Variants in LZTS1 observed in about 807,000 individuals in gnomAD.
The protein encoded by LZTS1 is leucine zipper putative tumor suppressor 1.
In LZTS1, 31 loss-of-function variants were observed where a neutral mutation model predicts 45.8. The ratio of observed to expected loss-of-function variants is 0.68; its 90% CI spans 0.51 to 0.91. The LOEUF (loss-of-function observed/expected upper bound fraction) is 0.91. Among genes scored for constraint, LZTS1 ranks in the 40% least tolerant of loss-of-function variants. The probability of loss-of-function intolerance (pLI) is 0.00; values close to 1 mark genes in which losing one functional copy is unlikely to be tolerated. For missense variants in LZTS1, 821 were observed against 788.9 expected (o/e 1.04, Z -0.49); for synonymous variants, 359 against 357.3 (o/e 1.00, Z -0.05).
chr8:20,254,127 A>C (rs1193119445), intron 2 of LZTS1, among the ~76,000 whole-genome samples: 1 of 152,222 alleles, frequency 6.6e-6, no homozygotes, highest in Non-Finnish European at 1.5e-5. Context: ...TGAATGCTCT[A>C]TGCAAACATA....
chr8:20,279,927 C>T (rs1252567124), intron 1 of LZTS1, among the ~76,000 whole-genome samples: 2 of 148,254 alleles, frequency 1.3e-5, no homozygotes, highest in African/African-American at 5.1e-5. Context: ...GTTGAGGCTG[C>T]AGTTAGCCAT....
chr8:20,255,334 C>G lies in LZTS1; in HGVS notation c.-134-19G>C. On this transcript the variant is annotated intron_variant, in intron 1 of 3. Coordinates refer to ENST00000381569, the MANE Select transcript of LZTS1 (RefSeq NM_021020.5). The stretch of plus-strand genomic sequence containing the variant: ...CGTAGACCTGGAAGAAGACACAAGA[C>G]AGAAGTCAGCGTGGGTGGGAGTGGT... 7.0e-7 allele frequency: 1 copy of G among 1,433,106 alleles called. No homozygotes were observed. The highest frequency in any genetic ancestry group is 9.1e-7 in the Non-Finnish European group (1 of 1,097,482). The allele number at this position is 1,433,106 out of a possible 1,614,324, so 88.8% of individuals were successfully genotyped here. A position where few individuals can be genotyped will look rare whatever the true frequency, so the allele number is the denominator to read the frequency against.
chr8:20,300,225 C>CA (rs2128900166), intron 1 of LZTS1, among the ~76,000 whole-genome samples: 1 of 152,350 alleles, frequency 6.6e-6, no homozygotes, highest in South Asian at 2.1e-4. Context: ...CTGTTGGGAA[C>CA]AGTGCTCCCT....
At chr8:20,273,754 G>T (rs1800520486) in intron 1 of LZTS1, among the ~76,000 whole-genome samples, 1 of 147,134 alleles carries the variant, frequency 6.8e-6, no homozygotes, top group Non-Finnish European at 1.5e-5. Flanking sequence ...GTTCCCTTGG[G>T]AAATTAATAG....
In LZTS1 at chr8:20,303,874, C is replaced by G; in HGVS notation, c.-269G>C. 5.1e-6 allele frequency: 5 copies of G among 985,132 alleles called. No homozygotes were observed. Among genetic ancestry groups the G allele is most frequent in the Non-Finnish European group, 6.0e-6 (5 of 829,822 alleles). The allele number at this position is 985,132 out of a possible 1,614,324, so 61.0% of individuals were successfully genotyped here. A position where few individuals can be genotyped will look rare whatever the true frequency, so the allele number is the denominator to read the frequency against. On this transcript the variant is annotated 5_prime_UTR_variant, in exon 1 of 4. Coordinates refer to ENST00000381569, the MANE Select transcript of LZTS1 (RefSeq NM_021020.5). ...ACTGCGCGGGATGCAGCTCCCGGCT[C>G]CCACTCACTGGCCGAGGCGGGCAGA... is the stretch of plus-strand genomic sequence containing the variant.
At chr8:20,280,343 C>T (rs564060043) in intron 1 of LZTS1, among the ~76,000 whole-genome samples, 4 of 152,296 alleles carry the variant, frequency 2.6e-5, no homozygotes, top group African/African-American at 9.6e-5. Flanking sequence ...CTCTCTCATT[C>T]TCTGGATGTG....
intron 2 of LZTS1, 58 bp from the exon 3 acceptor site, chr8:20,253,643 C>T: frequency 7.4e-7 from 1 of 1,347,160 alleles, no homozygotes; most frequent in East Asian, 2.5e-5. Flanking sequence ...ATTGCACCCT[C>T]CCTCCCCAGG....
At chr8:20,288,612 C>A (rs1350684701) in intron 1 of LZTS1, among the ~76,000 whole-genome samples, 1 of 152,200 alleles carries the variant, frequency 6.6e-6, no homozygotes, top group Non-Finnish European at 1.5e-5. Flanking sequence ...AGTGGCAGTA[C>A]CTGGCTTCAA....
intron 1 of LZTS1, among the ~76,000 whole-genome samples, chr8:20,268,164 A>ACCCCCT: frequency 2.2e-5 from 1 of 44,808 alleles, no homozygotes; most frequent in Non-Finnish European, 4.5e-5. Flanking sequence ...CCCCACCCCC[A>ACCCCCT]CCCCCACCCC....
intron 1 of LZTS1, among the ~76,000 whole-genome samples, chr8:20,256,857 G>T (rs1800115490): frequency 6.6e-6 from 1 of 152,166 alleles, no homozygotes; most frequent in Non-Finnish European, 1.5e-5. Context: ...GAGTGTGGAA[G>T]TGGCTATGAG....
chr8:20,281,231 G>A (rs2128897369), intron 1 of LZTS1, among the ~76,000 whole-genome samples: 1 of 152,158 alleles, frequency 6.6e-6, no homozygotes, highest in Non-Finnish European at 1.5e-5. Context: ...AGGCCTGGTG[G>A]GAGGTGTTTA....
chr8:20,264,544 G>A (rs1471341682), intron 1 of LZTS1, among the ~76,000 whole-genome samples: 1 of 152,150 alleles, frequency 6.6e-6, no homozygotes, highest in African/African-American at 2.4e-5. Flanking sequence ...GGGAGGGGAG[G>A]AGAAGTTGCT....
At chr8:20,287,258 T>C (rs1444301374) in intron 1 of LZTS1, among the ~76,000 whole-genome samples, 1 of 151,792 alleles carries the variant, frequency 6.6e-6, no homozygotes, top group African/African-American at 2.4e-5. Context: ...CACCATCTCC[T>C]GACTTTACAT....
chr8:20,264,701 G>C (rs1170712690), intron 1 of LZTS1, among the ~76,000 whole-genome samples: 1 of 152,200 alleles, frequency 6.6e-6, no homozygotes, highest in African/African-American at 2.4e-5. Flanking sequence ...TGGAACTCGA[G>C]GCACAACCAG....
At chr8:20,265,834 A>G (rs1349674257) in intron 1 of LZTS1, among the ~76,000 whole-genome samples, 2 of 152,058 alleles carry the variant, frequency 1.3e-5, no homozygotes, top group Non-Finnish European at 2.9e-5. Context: ...TCCCTTGGCC[A>G]CAGTTGCTCC....
At chr8:20,258,241 AG>A (rs1035242793) in intron 1 of LZTS1, among the ~76,000 whole-genome samples, 2 of 152,200 alleles carry the variant, frequency 1.3e-5, no homozygotes, top group Admixed American at 6.5e-5. Flanking sequence ...ATGTGGAAGG[AG>A]CCTCTGTTCT....
chr8:20,249,762 G>T lies in LZTS1; in HGVS notation c.1751C>A (p.Ala584Asp). ...TATGATGTCCTCGTAGGGGATGTCA[G>T]CCCCTTCCAGGTCAACCTCCAAGGG... is the stretch of plus-strand genomic sequence containing the variant. ...GEPLEVDLEG[A>D]DIPYEDIIAT... The change falls in exon 4 of 4, where the codon GCT becomes GAT. Residue 584 changes from alanine (A) to aspartate (D), a missense_variant. Coordinates refer to ENST00000381569, the MANE Select transcript of LZTS1 (RefSeq NM_021020.5). The T allele has an allele frequency of 6.2e-7, 1 of 1,612,358 alleles. No individual in the cohort carries two copies. The highest frequency in any genetic ancestry group is 8.5e-7 in the Non-Finnish European group (1 of 1,179,904).
intron 1 of LZTS1, among the ~76,000 whole-genome samples, chr8:20,300,380 T>A (rs1284409019): frequency 6.6e-6 from 1 of 152,108 alleles, no homozygotes; most frequent in Non-Finnish European, 1.5e-5. Context: ...TTGCCCAGAC[T>A]GGAGTGCAGT....
intron 1 of LZTS1, among the ~76,000 whole-genome samples, chr8:20,265,328 C>T (rs530583268): frequency 1.3e-5 from 2 of 152,118 alleles, no homozygotes; most frequent in African/African-American, 4.8e-5. Flanking sequence ...TGGCAGGCAT[C>T]GTGTTGACTG....
Sources: gnomAD v4.1 joint callset for allele counts (sites outside exome capture counted in the v4.1 genomes callset) on GRCh38, gnomAD v4.1.1 for gene constraint, MANE v1.5 for transcripts, NCBI Gene and HGNC (gene_info 2026-07-23, HGNC 2026-07-21) for gene names.